Variants in POLR3A observed in about 807,000 individuals in gnomAD.
POLR3A encodes the protein DNA-directed RNA polymerase III subunit RPC1.
POLR3A carries 112 observed loss-of-function variants against 152.8 expected under a neutral mutation model. The observed-to-expected ratio is 0.73, with a 90% confidence interval of 0.63 to 0.86. The LOEUF (loss-of-function observed/expected upper bound fraction) is 0.86, where lower values mean the gene tolerates loss of function less well. Ranked by LOEUF, POLR3A falls within the 40% of genes least tolerant of loss-of-function variation. POLR3A has a pLI of 0.00. For missense variants in POLR3A, 1,385 were observed against 1,743.1 expected, an observed-to-expected ratio of 0.79 and a Z score of 3.66; for synonymous variants, 615 against 652.1, an observed-to-expected ratio of 0.94 and a Z score of 0.87.
chr10:77,999,786 T>C (rs922196566), intron 19 of POLR3A, among the ~76,000 whole-genome samples, 195 bp downstream of exon 19: 3 of 152,208 alleles, frequency 2.0e-5, no homozygotes, highest in East Asian at 1.9e-4. Flanking sequence ...TTGATCATCA[T>C]AGGATGATTC....
At chr10:77,991,679 C>G (rs544278628) in intron 20 of POLR3A, among the ~76,000 whole-genome samples, 1 of 152,108 alleles carries the variant, frequency 6.6e-6, no homozygotes, top group Non-Finnish European at 1.5e-5. Flanking sequence ...TGCGCCACCA[C>G]GTACGATTAA....
Position 78,029,352 on chromosome 10 carries a change from A to T in POLR3A, c.44+12T>A. ...ATTTCTCAGCCCTTTGGCCACTCTTACTCCGTCTTACATTTTCTTGGCCAC... is the reference window on the plus strand; with the variant it reads ...ATTTCTCAGCCCTTTGGCCACTCTTTCTCCGTCTTACATTTTCTTGGCCAC... On this transcript the variant is annotated intron_variant, in intron 1 of 30. Coordinates refer to ENST00000372371, the MANE Select transcript of POLR3A (RefSeq NM_007055.4). The T allele has an allele frequency of 6.2e-7, 1 of 1,612,434 alleles. No homozygotes were observed. Among genetic ancestry groups the T allele is most frequent in the Non-Finnish European group, 8.5e-7 (1 of 1,179,684 alleles).
chr10:78,011,588 A>C (rs1320850559), intron 11 of POLR3A, among the ~76,000 whole-genome samples: 1 of 152,172 alleles, frequency 6.6e-6, no homozygotes, highest in Non-Finnish European at 1.5e-5. Context: ...ACAGCTATTT[A>C]GCCAGATGTG....
At chr10:78,008,292 C>A (rs1415023246) in intron 14 of POLR3A, among the ~76,000 whole-genome samples, 1 of 152,166 alleles carries the variant, frequency 6.6e-6, no homozygotes, top group African/African-American at 2.4e-5. Flanking sequence ...ACAGCCTATA[C>A]AACAACCAAA....
chr10:78,026,370 C>G, intron 1 of POLR3A, 141 bp from the exon 2 acceptor site: 1 of 830,268 alleles, frequency 1.2e-6, no homozygotes, highest in East Asian at 2.7e-5. Context: ...ATATTTAACC[C>G]TCTCTCATTT....
chr10:78,016,993 T>C (rs1469762563), intron 10 of POLR3A, among the ~76,000 whole-genome samples: 2 of 152,112 alleles, frequency 1.3e-5, no homozygotes, highest in African/African-American at 4.8e-5. Context: ...TTAAATCCTC[T>C]CTTAGTGTTT....
In POLR3A at chr10:78,017,541, C is replaced by G. The variant is rs7074690; in HGVS notation, c.1431+34G>C. 2.5e-6 allele frequency: 4 copies of G among 1,610,212 alleles called. No homozygotes were observed. The South Asian group carries it at 4.4e-5, about 18-fold the overall frequency. The stretch of plus-strand genomic sequence containing the variant: ...ACTGAACAGTCATGGCAAATTTCTA[C>G]GTGATGGAAAATTTAAAAAGCAGTG... On this transcript the variant is annotated intron_variant, in intron 10 of 30. Transcript: ENST00000372371.
intron 9 of POLR3A, among the ~76,000 whole-genome samples, chr10:78,018,735 A>C (rs1847549450): frequency 6.6e-6 from 1 of 151,928 alleles, no homozygotes; most frequent in Non-Finnish European, 1.5e-5. Context: ...TACGTGTGCT[A>C]CCGTGCCCAG....
intron 1 of POLR3A, among the ~76,000 whole-genome samples, chr10:78,026,618 TAC>T (rs1269932808): frequency 1.3e-5 from 2 of 152,246 alleles, no homozygotes; most frequent in African/African-American, 4.8e-5. Context: ...CTGCTCCTTG[TAC>T]AGTCTCTTTT....
intron 10 of POLR3A, among the ~76,000 whole-genome samples, chr10:78,014,896 G>C (rs1847504541): frequency 6.6e-6 from 1 of 152,078 alleles, no homozygotes; most frequent in Non-Finnish European, 1.5e-5. Context: ...AGAATTGTAG[G>C]TAATAAATGT....
rs181138182 is a variant in POLR3A at position 78,015,488 on chromosome 10, C to T, written c.1432-1698G>A. The stretch of plus-strand genomic sequence containing the variant: ...GATTACAGGCACGTGCCACCACACC[C>T]GGCTAATTTTTTGTATTTTAGTAAA... On this transcript the variant is annotated intron_variant, in intron 10 of 30. Coordinates refer to ENST00000372371, the MANE Select transcript of POLR3A (RefSeq NM_007055.4). Among the ~76,000 whole-genome samples the T allele has an allele frequency of 5.3e-3, 804 of 152,056 alleles. 3 individuals carry two copies. The highest frequency in any genetic ancestry group is 8.7e-3 in the Non-Finnish European group (594 of 67,976).
intron 19 of POLR3A, among the ~76,000 whole-genome samples, chr10:77,995,897 C>G (rs1847295873): frequency 6.6e-6 from 1 of 152,176 alleles, no homozygotes; most frequent in Non-Finnish European, 1.5e-5. Flanking sequence ...CCAAAACTGA[C>G]CACACAGTTG....
intron 15 of POLR3A, among the ~76,000 whole-genome samples, chr10:78,007,305 A>G (rs1214997568): frequency 6.6e-6 from 1 of 152,180 alleles, no homozygotes; most frequent in Non-Finnish European, 1.5e-5. Flanking sequence ...ACAAACAAAC[A>G]AACAAAATAG....
chr10:78,022,046 G>C, intron 6 of POLR3A, 24 bp from the exon 7 acceptor site: 1 of 1,614,160 alleles, frequency 6.2e-7, no homozygotes. Context: ...AGCCCAAACA[G>C]AAACAAACCT....
At chr10:78,014,743 G>A (rs895426481) in intron 10 of POLR3A, among the ~76,000 whole-genome samples, 1 of 151,762 alleles carries the variant, frequency 6.6e-6, no homozygotes, top group Non-Finnish European at 1.5e-5. Flanking sequence ...CTAAGCACAC[G>A]AACACAGGAG....
intron 8 of POLR3A, among the ~76,000 whole-genome samples, chr10:78,020,517 G>A (rs372881775): frequency 5.1e-4 from 77 of 151,544 alleles, no homozygotes; most frequent in African/African-American, 1.8e-3. Context: ...GGCCGGATGC[G>A]GTGGCTCATA....
intron 9 of POLR3A, among the ~76,000 whole-genome samples, chr10:78,018,160 A>G (rs546659148): frequency 6.7e-6 from 1 of 148,362 alleles, no homozygotes; most frequent in East Asian, 2.0e-4. Context: ...TGAGTGACAG[A>G]CTGAGACATC....
At chr10:77,988,200 G>C (rs1305862489) in intron 21 of POLR3A, among the ~76,000 whole-genome samples, 1 of 152,164 alleles carries the variant, frequency 6.6e-6, no homozygotes, top group South Asian at 2.1e-4. Context: ...CCCAATCATT[G>C]TTCTACATAG....
intron 21 of POLR3A, among the ~76,000 whole-genome samples, chr10:77,990,215 A>AC (rs1794008093): frequency 6.6e-6 from 1 of 152,172 alleles, no homozygotes; most frequent in African/African-American, 2.4e-5. Flanking sequence ...TAAAAAAAAA[A>AC]CAAAAAACAA....
Sources: allele counts gnomAD v4.1 joint callset (sites outside exome capture counted in the v4.1 genomes callset), GRCh38; gene constraint gnomAD v4.1.1; transcripts MANE v1.5; gene names NCBI Gene and HGNC (gene_info 2026-07-23, HGNC 2026-07-21).